Variants in TRAK1 observed in about 807,000 individuals in gnomAD.
TRAK1 encodes trafficking kinesin protein 1.
TRAK1 carries 33 observed loss-of-function variants against 92.1 expected under a neutral mutation model. The ratio of observed to expected loss-of-function variants is 0.36; its 90% CI spans 0.27 to 0.48. The LOEUF is 0.48. TRAK1 is among the 20% of genes least tolerant of loss of function. The probability of loss-of-function intolerance (pLI) is 0.99; values close to 1 mark genes in which losing one functional copy is unlikely to be tolerated. For missense variants in TRAK1, 1,123 were observed against 1,257.9 expected (o/e 0.89, Z 1.62); for synonymous variants, 521 against 517.3 (o/e 1.01, Z -0.10).
intron 2 of TRAK1, among the ~76,000 whole-genome samples, chr3:42,152,176 A>G (rs1700032051): frequency 6.6e-6 from 1 of 152,140 alleles, no homozygotes; most frequent in Non-Finnish European, 1.5e-5. Context: ...GGGGTCTTCT[A>G]TTCAGCACCC....
chr3:42,036,880 G>A (rs1184871967), intron 1 of TRAK1, among the ~76,000 whole-genome samples: 2 of 152,126 alleles, frequency 1.3e-5, no homozygotes, highest in Admixed American at 1.3e-4. Context: ...TTCCTGAGTA[G>A]CTAGGATTAC....
At chr3:42,030,494 G>A (rs1424651138) in intron 1 of TRAK1, among the ~76,000 whole-genome samples, 1 of 150,054 alleles carries the variant, frequency 6.7e-6, no homozygotes, top group East Asian at 1.9e-4. Flanking sequence ...CCAACGTGAT[G>A]AAACCCCATC....
At chr3:42,184,632 C>T in intron 3 of TRAK1, 53 bp from the exon 4 acceptor site, 4 of 1,570,422 alleles carry the variant, frequency 2.5e-6, no homozygotes, top group Non-Finnish European at 3.5e-6. Context: ...CCATTGACTC[C>T]TTCAGGAAAC....
chr3:42,035,914 T>C (rs1215751663), intron 1 of TRAK1, among the ~76,000 whole-genome samples: 1 of 152,250 alleles, frequency 6.6e-6, no homozygotes, highest in East Asian at 1.9e-4. Flanking sequence ...CTTGCTTCTC[T>C]GCACAGCCTG....
intron 1 of TRAK1, among the ~76,000 whole-genome samples, chr3:42,108,308 G>T (rs1341068378): frequency 6.6e-6 from 1 of 151,912 alleles, no homozygotes; most frequent in East Asian, 1.9e-4. Flanking sequence ...TGGGCAACAT[G>T]GGGAAACCCC....
At chr3:42,124,388 T>A (rs926320943) in intron 1 of TRAK1, among the ~76,000 whole-genome samples, 1 of 152,212 alleles carries the variant, frequency 6.6e-6, no homozygotes, top group African/African-American at 2.4e-5. Flanking sequence ...AGTTGATAGA[T>A]AATTACCACT....
At chr3:42,111,849 T>C (rs1708444943) in intron 1 of TRAK1, among the ~76,000 whole-genome samples, 1 of 152,096 alleles carries the variant, frequency 6.6e-6, no homozygotes, top group South Asian at 2.1e-4. Flanking sequence ...CCTTATATAG[T>C]ATTTTACAGG....
At chr3:42,108,886 T>C (rs1461606579) in intron 1 of TRAK1, among the ~76,000 whole-genome samples, 1 of 152,152 alleles carries the variant, frequency 6.6e-6, no homozygotes, top group Non-Finnish European at 1.5e-5. Flanking sequence ...TTTATCTATG[T>C]GCTTTGCTTA....
At chr3:42,099,050 T>A (rs1333464996) in intron 1 of TRAK1, among the ~76,000 whole-genome samples, 1 of 149,560 alleles carries the variant, frequency 6.7e-6, no homozygotes, top group African/African-American at 2.5e-5. Context: ...GGGGTTGCAG[T>A]CAGGGAGGGG....
intron 2 of TRAK1, among the ~76,000 whole-genome samples, chr3:42,139,563 A>C (rs1160891996): frequency 6.6e-6 from 1 of 152,154 alleles, no homozygotes; most frequent in Non-Finnish European, 1.5e-5. Context: ...CACTGCAGCC[A>C]GGTACTCATA....
intron 1 of TRAK1, among the ~76,000 whole-genome samples, chr3:42,072,621 G>A (rs1042159614): frequency 7.3e-5 from 11 of 151,564 alleles, no homozygotes; most frequent in Middle Eastern, 3.4e-3. Flanking sequence ...AGAAGGCAGC[G>A]TGGTTTGGGA....
intron 1 of TRAK1, among the ~76,000 whole-genome samples, chr3:42,028,414 G>T (rs1213192223): frequency 6.6e-6 from 1 of 152,200 alleles, no homozygotes; most frequent in Non-Finnish European, 1.5e-5. Context: ...CCTGGGCCAG[G>T]CACTGAGTTA....
intron 2 of TRAK1, among the ~76,000 whole-genome samples, chr3:42,172,768 C>T (rs1157946194): frequency 6.6e-6 from 1 of 152,130 alleles, no homozygotes; most frequent in East Asian, 1.9e-4. Context: ...AGAGGTGAGG[C>T]GTGTGTATTT....
At position 42,200,800 on chromosome 3, in the gene TRAK1, G is replaced by A. The variant is rs1435171143; in HGVS notation, c.1191-18G>A. On this transcript the variant is annotated intron_variant, in intron 11 of 15. Transcript: ENST00000327628. Reference sequence around the variant, plus strand: ...TGCCCGCATTTGCTCACTCACGGATGCCGTGCATTCTCCCTAGTCACCAGA... The same window carrying A: ...TGCCCGCATTTGCTCACTCACGGATACCGTGCATTCTCCCTAGTCACCAGA... 6.2e-7 allele frequency: 1 copy of A among 1,613,518 alleles called. No individual in the cohort carries two copies. The highest frequency in any genetic ancestry group is 1.1e-5 in the South Asian group (1 of 91,060).
At chr3:42,067,103 G>A (rs1399968829) in intron 1 of TRAK1, among the ~76,000 whole-genome samples, 1 of 152,168 alleles carries the variant, frequency 6.6e-6, no homozygotes, top group East Asian at 1.9e-4. Flanking sequence ...TTAGTGCTTC[G>A]TAGAGAATTT....
rs1195017079 is a variant in TRAK1, at chr3:42,196,965, CTCTCTCTCTCTTTCTCTT to C, written c.1113+2036_1113+2053del. 3.5e-4 allele frequency among the ~76,000 whole-genome samples: 48 copies of C among 137,620 alleles called. 1 individual carries two copies. In the Admixed American group the frequency reaches 3.7e-3, roughly 11 times the overall value. 90.3% of individuals were successfully genotyped at this position (137,620 alleles called of 152,430 possible). On this transcript the variant is annotated intron_variant, in intron 10 of 15. Transcript: ENST00000327628. ...TTTCTCTCTCCTTTCTCCTCTCTCT[CTCTCTCTCTCTTTCTCTT>C]TCTCTCTCTCTCTCTCTCTCACACA...
rs1162260898 is a variant in TRAK1 at position 42,013,814 on chromosome 3, C to T, written c.-822C>T. ...CGAGGCGTCCCCCAGAGTGGGGCCG[C>T]GCGCGGGAGAGCCGGAGCGCAGCCT... On this transcript the variant is annotated 5_prime_UTR_variant, in exon 1 of 17. Transcript: ENST00000487159. The surrounding 1 kb of genome is among the most constrained non-coding windows in gnomAD (Gnocchi z 5.1). 6.7e-6 allele frequency: 1 copy of T among 150,352 alleles called. No individual in the cohort carries two copies. Among genetic ancestry groups the T allele is most frequent in the Admixed American group, 6.6e-5 (1 of 15,066 alleles). The allele number at this position is 150,352 out of a possible 1,614,324, so 9.3% of individuals were successfully genotyped here.
intron 1 of TRAK1, among the ~76,000 whole-genome samples, chr3:42,105,447 A>AAT: frequency 6.6e-6 from 1 of 152,374 alleles, no homozygotes; most frequent in South Asian, 2.1e-4. Context: ...AATGAAATGA[A>AAT]GCAAGAAGAG....
intron 1 of TRAK1, among the ~76,000 whole-genome samples, chr3:42,048,490 G>T (rs190845888): frequency 6.6e-6 from 1 of 151,870 alleles, no homozygotes; most frequent in Non-Finnish European, 1.5e-5. Context: ...TCTTGTTCCC[G>T]AAAAGTCACT....
Sources: allele counts gnomAD v4.1 joint callset (sites outside exome capture counted in the v4.1 genomes callset), GRCh38; gene constraint gnomAD v4.1.1; non-coding constraint Gnocchi (gnomAD v3.1); transcripts MANE v1.5; gene names NCBI Gene and HGNC (gene_info 2026-07-23, HGNC 2026-07-21).